Variants in ACTL6A observed in about 807,000 individuals in gnomAD.
ACTL6A encodes actin-like protein 6A.
Under a neutral mutation model 59.2 loss-of-function variants are expected in ACTL6A, and 5 were observed. The observed-to-expected ratio is 0.08, with a 90% CI of 0.04 to 0.18. ACTL6A has a LOEUF of 0.18. Ranked by LOEUF, ACTL6A falls within the 10% of genes least tolerant of loss-of-function variation. ACTL6A has a pLI of 1.00. For missense variants in ACTL6A, 285 were observed against 526.9 expected (o/e 0.54, Z 4.49); for synonymous variants, 154 against 171.8 (o/e 0.90, Z 0.81).
In ACTL6A at chr3:179,576,302, C is replaced by T; in HGVS notation, c.562C>T (p.Leu188Phe). 6.3e-7 allele frequency: 1 copy of T among 1,596,342 alleles called. No homozygotes were observed. Among genetic ancestry groups the T allele is most frequent in the Non-Finnish European group, 8.5e-7 (1 of 1,174,632 alleles). The change falls in exon 6 of 14, where the codon CTT becomes TTT. Residue 188 changes from leucine (L) to phenylalanine (F), a missense_variant. Physicochemically the swap from Leu to Phe is conservative, Grantham distance 22. Coordinates refer to ENST00000429709, the MANE Select transcript of ACTL6A (RefSeq NM_004301.5). ...AATTCCAGTCCACGATGGCTATGTC[C>T]TTCAACAAGGTAAATGTATTTAACC... ...TAIPVHDGYV[L>F]QQGIVKSPLA...
At chr3:179,579,669 T>TTAC in intron 8 of ACTL6A, among the ~76,000 whole-genome samples, 1 of 152,308 alleles carries the variant, frequency 6.6e-6, no homozygotes, top group Non-Finnish European at 1.5e-5. Flanking sequence ...GCACCTGTAA[T>TTAC]CCCAGCTACT....
chr3:179,586,773 AG>A (rs1718507180), intron 13 of ACTL6A, 141 bp downstream of exon 13: 1 of 690,008 alleles, frequency 1.4e-6, no homozygotes. Context: ...TGGAATAACC[AG>A]TTTTATGTGT....
chr3:179,576,522 C>A, intron 6 of ACTL6A, 98 bp from the exon 7 acceptor site: 1 of 974,674 alleles, frequency 1.0e-6, no homozygotes, highest in Non-Finnish European at 1.6e-6. Context: ...GTTCATTCTA[C>A]CTGAAAAAGT....
At chr3:179,563,162 T>G (rs1717716710) in intron 1 of ACTL6A, 45 bp downstream of exon 1, 4 of 1,587,168 alleles carry the variant, frequency 2.5e-6, no homozygotes, top group Non-Finnish European at 3.4e-6. Flanking sequence ...TTTCGGCGTG[T>G]GGGGTTTGTA....
intron 1 of ACTL6A, among the ~76,000 whole-genome samples, chr3:179,566,218 G>A (rs1717829974): frequency 6.6e-6 from 1 of 152,122 alleles, no homozygotes; most frequent in Non-Finnish European, 1.5e-5. Flanking sequence ...GGATATGGAT[G>A]TAGACACTGG....
At chr3:179,576,084 C>A (rs1479803368) in intron 5 of ACTL6A, 133 bp from the exon 6 acceptor site, 1 of 622,598 alleles carries the variant, frequency 1.6e-6, no homozygotes, top group Non-Finnish European at 2.8e-6. Flanking sequence ...TCCCTAGATT[C>A]ACTGTAATAC....
At position 179,581,179 on chromosome 3, in the gene ACTL6A, G is replaced by A. The variant is rs1184807171; in HGVS notation, c.985G>A (p.Val329Ile). Residue 329 changes from valine to isoleucine, a missense_variant, in exon 11 of 14, where the codon GTC becomes ATC. By Grantham distance (29) the Val-to-Ile change is conservative. Transcript: ENST00000429709. Reference protein sequence around the residue: ...GNTMLGVSHVVTTSVGMCDID... With the variant: ...GNTMLGVSHVITTSVGMCDID... ...CACAATGTTAGGAGTCAGTCATGTTGTCACCACAAGTGTTGGGATGTGTGA... is the reference window on the plus strand; with the variant it reads ...CACAATGTTAGGAGTCAGTCATGTTATCACCACAAGTGTTGGGATGTGTGA... 6.2e-7 allele frequency: 1 copy of A among 1,614,032 alleles called. No homozygotes were observed. Among genetic ancestry groups the A allele is most frequent in the East Asian group, 2.2e-5 (1 of 44,872 alleles).
chr3:179,563,324 C>T (rs1717726216), intron 1 of ACTL6A, among the ~76,000 whole-genome samples: 1 of 150,532 alleles, frequency 6.6e-6, no homozygotes, highest in Non-Finnish European at 1.5e-5. Context: ...GAAGTGGCGG[C>T]TCTCTGTGGC....
At chr3:179,572,734 G>A (rs2108359424) in intron 3 of ACTL6A, among the ~76,000 whole-genome samples, 1 of 152,276 alleles carries the variant, frequency 6.6e-6, no homozygotes, top group South Asian at 2.1e-4. Context: ...GACCCCAGGA[G>A]GCGGAGGTTG....
At chr3:179,582,551 T>A (rs1317153169) in intron 11 of ACTL6A, among the ~76,000 whole-genome samples, 2 of 152,226 alleles carry the variant, frequency 1.3e-5, no homozygotes. Context: ...GTTCAGAGTT[T>A]ATCATTGTCT....
intron 1 of ACTL6A, among the ~76,000 whole-genome samples, chr3:179,566,632 T>C (rs1717842676): frequency 6.6e-6 from 1 of 152,164 alleles, no homozygotes; most frequent in Non-Finnish European, 1.5e-5. Context: ...TCCTCTGTCT[T>C]CACATGGCCG....
chr3:179,575,835 C>T lies in ACTL6A; in HGVS notation c.477-382C>T, dbSNP rs75120537. ...GTTATAGTCCCTAGCTCAATTATCA[C>T]AACCTCCCACTGTTCTTACCAAGTT... On this transcript the variant is annotated intron_variant, in intron 5 of 13. Coordinates refer to ENST00000429709, the MANE Select transcript of ACTL6A (RefSeq NM_004301.5). Among the ~76,000 whole-genome samples, 392 of 152,340 alleles carry T rather than the reference C, an allele frequency of 2.6e-3. 2 individuals are homozygous for T. The highest frequency in any genetic ancestry group is 8.2e-3 in the African/African-American group (341 of 41,582).
chr3:179,580,496 GGT>G, intron 8 of ACTL6A, 142 bp from the exon 9 acceptor site: 1 of 575,548 alleles, frequency 1.7e-6, no homozygotes, highest in South Asian at 2.6e-5. Context: ...ATCCTTGTTA[GGT>G]ACATTTATAC....
chr3:179,587,444 A>C (rs1169069561), intron 13 of ACTL6A, among the ~76,000 whole-genome samples: 1 of 152,178 alleles, frequency 6.6e-6, no homozygotes, highest in East Asian at 1.9e-4. Flanking sequence ...AGGACTTAGT[A>C]TTCTTTTTAA....
intron 8 of ACTL6A, among the ~76,000 whole-genome samples, chr3:179,579,345 T>TTCTATCCAGC (rs1314260971): frequency 6.6e-6 from 1 of 152,082 alleles, no homozygotes; most frequent in African/African-American, 2.4e-5. Flanking sequence ...TGATAGAAAT[T>TTCTATCCAGC]AATGTGTATC....
chr3:179,574,959 T>A (rs1718122362), intron 5 of ACTL6A: 1 of 180,174 alleles, frequency 5.6e-6, no homozygotes, highest in Non-Finnish European at 1.2e-5. Flanking sequence ...GCACGTCCTC[T>A]TGTCTGCCCA....
intron 12 of ACTL6A, chr3:179,584,356 G>A (rs749817822): frequency 6.6e-6 from 1 of 152,210 alleles, no homozygotes; most frequent in African/African-American, 2.4e-5. Flanking sequence ...GCTGGGCGTG[G>A]TGGCTCACGC....
At chr3:179,563,669 A>G (rs1267809769) in intron 1 of ACTL6A, among the ~76,000 whole-genome samples, 1 of 152,206 alleles carries the variant, frequency 6.6e-6, no homozygotes, top group African/African-American at 2.4e-5. Flanking sequence ...TCTGCGCCCC[A>G]TGCGCGAGCT....
At chr3:179,577,031 C>A in intron 8 of ACTL6A, 118 bp downstream of exon 8, 1 of 652,988 alleles carries the variant, frequency 1.5e-6, no homozygotes, top group South Asian at 2.8e-5. Flanking sequence ...TATTTTCAAG[C>A]TCTTTATTTT....
Sources: gnomAD v4.1 joint callset for allele counts (sites outside exome capture counted in the v4.1 genomes callset) on GRCh38, gnomAD v4.1.1 for gene constraint, MANE v1.5 for transcripts, NCBI Gene and HGNC (gene_info 2026-07-23, HGNC 2026-07-21) for gene names.